The following TRHDE variants were observed in gnomAD, a reference collection of about 807,000 sequenced individuals.
TRHDE encodes thyrotropin releasing hormone degrading enzyme.
In TRHDE, 72 loss-of-function variants were observed where a neutral mutation model predicts 125.7. The ratio of observed to expected loss-of-function variants is 0.57; its 90% confidence interval spans 0.47 to 0.70. The LOEUF (loss-of-function observed/expected upper bound fraction) is 0.70, where lower values mean the gene tolerates loss of function less well. Among genes scored for constraint, TRHDE ranks in the 30% least tolerant of loss-of-function variants. The pLI, the probability that TRHDE is intolerant of heterozygous loss-of-function variation, is 0.00. For missense variants in TRHDE, 1,110 were observed against 1,327.1 expected (o/e 0.84, Z 2.54); for synonymous variants, 509 against 509.1 (o/e 1.00, Z 0.00).
intron 3 of TRHDE, among the ~76,000 whole-genome samples, chr12:72,434,602 T>C (rs1874655860): frequency 6.6e-6 from 1 of 152,040 alleles, no homozygotes; most frequent in African/African-American, 2.4e-5. Flanking sequence ...AATAAAGGTT[T>C]CTCAACAATT....
intron 6 of TRHDE, among the ~76,000 whole-genome samples, chr12:72,501,808 C>T (rs1205020316): frequency 6.6e-6 from 1 of 151,838 alleles, no homozygotes; most frequent in East Asian, 1.9e-4. Flanking sequence ...CAGTAGGGAC[C>T]TGAAATTTTC....
intron 12 of TRHDE, among the ~76,000 whole-genome samples, chr12:72,576,921 C>T (rs574590422): frequency 3.9e-5 from 6 of 152,134 alleles, no homozygotes; most frequent in Middle Eastern, 3.4e-3. Flanking sequence ...TAAAGATAAA[C>T]GAAGGCTTTT....
chr12:72,359,648 A>G (rs1870978568), intron 2 of TRHDE, among the ~76,000 whole-genome samples: 1 of 151,676 alleles, frequency 6.6e-6, no homozygotes, highest in South Asian at 2.1e-4. Flanking sequence ...TGGGGCAAAG[A>G]CTGAAATAAT....
intron 2 of TRHDE, among the ~76,000 whole-genome samples, chr12:72,164,401 C>T (rs1592465692): frequency 6.6e-6 from 1 of 152,092 alleles, no homozygotes; most frequent in African/African-American, 2.4e-5. Flanking sequence ...ATAGGGAAGG[C>T]GCCAGGTTCA....
At chr12:72,546,215 A>G (rs1869410926) in intron 7 of TRHDE, among the ~76,000 whole-genome samples, 2 of 151,674 alleles carry the variant, frequency 1.3e-5, no homozygotes, top group Non-Finnish European at 3.0e-5. Flanking sequence ...ATTTTAAATC[A>G]TAGTTTTCTT....
intron 2 of TRHDE, among the ~76,000 whole-genome samples, chr12:72,174,848 T>A (rs1876953449): frequency 6.6e-6 from 1 of 152,214 alleles, no homozygotes; most frequent in African/African-American, 2.4e-5. Context: ...TCCACTGTAA[T>A]ATTACTGTAT....
At chr12:72,608,996 T>C (rs1363899255) in intron 12 of TRHDE, among the ~76,000 whole-genome samples, 2 of 152,092 alleles carry the variant, frequency 1.3e-5, no homozygotes, top group South Asian at 4.1e-4. Flanking sequence ...CCTGAGAAGA[T>C]TGTTTAAAGG....
chr12:72,458,863 T>A (rs989788651), intron 3 of TRHDE, among the ~76,000 whole-genome samples: 1 of 152,200 alleles, frequency 6.6e-6, no homozygotes, highest in African/African-American at 2.4e-5. Flanking sequence ...ATGTCAATAT[T>A]AGAGACTTCT....
At chr12:72,142,024 C>T (rs1876121564) in intron 2 of TRHDE, among the ~76,000 whole-genome samples, 1 of 148,584 alleles carries the variant, frequency 6.7e-6, no homozygotes, top group Admixed American at 6.7e-5. Flanking sequence ...TGGGCATGCA[C>T]ATTAAGAGAC....
chr12:72,483,569 G>C (rs1877272454), intron 5 of TRHDE, among the ~76,000 whole-genome samples: 1 of 151,838 alleles, frequency 6.6e-6, no homozygotes, highest in Non-Finnish European at 1.5e-5. Context: ...TGCAAGTTCA[G>C]ATTTTACATT....
chr12:72,482,918 A>G (rs1050281591), intron 5 of TRHDE, among the ~76,000 whole-genome samples: 3 of 151,660 alleles, frequency 2.0e-5, no homozygotes, highest in Non-Finnish European at 2.9e-5. Context: ...CTTTTCTTGA[A>G]ATTGTTGGCT....
intron 3 of TRHDE, among the ~76,000 whole-genome samples, chr12:72,428,636 T>C (rs1874291037): frequency 1.3e-5 from 2 of 152,162 alleles, no homozygotes. Flanking sequence ...ATTCACATGC[T>C]ATACAACTAA....
chr12:72,434,437 CA>C (rs1206994536), intron 3 of TRHDE, among the ~76,000 whole-genome samples: 1 of 150,902 alleles, frequency 6.6e-6, no homozygotes, highest in Non-Finnish European at 1.5e-5. Flanking sequence ...GACCAACTTC[CA>C]AATACTTTAT....
At chr12:72,179,397 G>C (rs1877051194) in intron 2 of TRHDE, among the ~76,000 whole-genome samples, 1 of 151,930 alleles carries the variant, frequency 6.6e-6, no homozygotes, top group Non-Finnish European at 1.5e-5. Context: ...AATTACCGAA[G>C]GACTAAAAAA....
At chr12:72,321,487 T>C (rs1038368929) in intron 2 of TRHDE, among the ~76,000 whole-genome samples, 1 of 152,192 alleles carries the variant, frequency 6.6e-6, no homozygotes, top group African/African-American at 2.4e-5. Flanking sequence ...GGATACTTGT[T>C]CACCATTTCT....
chr12:72,305,716 A>G (rs557235569), intron 2 of TRHDE, among the ~76,000 whole-genome samples: 1 of 152,334 alleles, frequency 6.6e-6, no homozygotes, highest in South Asian at 2.1e-4. Context: ...CAATAAAGCA[A>G]CAACTCATCA....
rs1190363456 is a variant in TRHDE, at chr12:72,583,923, CTTTTTTTTTTTTT to C, written c.2321+8396_2321+8408del. On this transcript the variant is annotated intron_variant, in intron 12 of 18. Coordinates refer to ENST00000261180, the MANE Select transcript of TRHDE (RefSeq NM_013381.3). ...GCTTGTGGCTCTAAAGGATGACAAA[CTTTTTTTTTTTTT>C]TTTTTTTTTTTTTTGAGACGGAGTC... Among the ~76,000 whole-genome samples, 6 of 60,486 alleles carry C rather than the reference CTTTTTTTTTTTTT, an allele frequency of 9.9e-5. 1 individual carries two copies. The highest frequency in any genetic ancestry group is 5.0e-4 in the African/African-American group (4 of 7,970). 39.7% of individuals were successfully genotyped at this position (60,486 alleles called of 152,430 possible). A position where few individuals can be genotyped will look rare whatever the true frequency, so the allele number is the denominator to read the frequency against.
intron 12 of TRHDE, among the ~76,000 whole-genome samples, chr12:72,614,940 C>T (rs2136072833): frequency 6.6e-6 from 1 of 152,130 alleles, no homozygotes; most frequent in South Asian, 2.1e-4. Flanking sequence ...TTATAAAATA[C>T]ATTATATCTT....
At chr12:72,640,189 C>T (rs949037680) in intron 15 of TRHDE, among the ~76,000 whole-genome samples, 5 of 152,232 alleles carry the variant, frequency 3.3e-5, no homozygotes, top group East Asian at 1.9e-4. Flanking sequence ...GAGCCAGGTG[C>T]GGGACACAAT....
Sources: allele counts gnomAD v4.1 joint callset (sites outside exome capture counted in the v4.1 genomes callset), GRCh38; gene constraint gnomAD v4.1.1; transcripts MANE v1.5; gene names NCBI Gene and HGNC (gene_info 2026-07-23, HGNC 2026-07-21).